Variants in GRHL1 observed in about 807,000 individuals in gnomAD.
GRHL1 encodes the protein grainyhead like transcription factor 1.
Under a neutral mutation model 75.7 loss-of-function variants are expected in GRHL1, and 38 were observed. The observed-to-expected ratio is 0.50, with a 90% CI of 0.39 to 0.66. GRHL1 has a LOEUF of 0.66. Ranked by LOEUF, GRHL1 falls within the 30% of genes least tolerant of loss-of-function variation. GRHL1 has a pLI of 0.00. For missense variants in GRHL1, 589 were observed against 767.5 expected, an observed-to-expected ratio of 0.77 and a Z score of 2.75; for synonymous variants, 266 against 279.4, an observed-to-expected ratio of 0.95 and a Z score of 0.48.
chr2:9,975,656 T>C (rs1039559737), intron 8 of GRHL1, among the ~76,000 whole-genome samples: 1 of 151,542 alleles, frequency 6.6e-6, no homozygotes, highest in Non-Finnish European at 1.5e-5. Context: ...GACGGGTGTA[T>C]CACCTGAGAT....
Position 9,992,265 on chromosome 2 carries a change from A to C in GRHL1, c.1461+119A>C. ...TTGAGTGAGGTTTGACCAGTTAGTC[A>C]GCTCTTTGGAATATTCTGCTGGGGT... On this transcript the variant is annotated intron_variant, in intron 11 of 15. Transcript: ENST00000324907. This position sits in a 1 kb window ranked among gnomAD's most constrained non-coding sequence, Gnocchi z 4.6. 1.2e-6 allele frequency: 1 copy of C among 844,972 alleles called. No homozygotes were observed. The highest frequency in any genetic ancestry group is 1.8e-6 in the Non-Finnish European group (1 of 543,502). 52.3% of individuals were successfully genotyped at this position (844,972 alleles called of 1,614,324 possible).
chr2:9,965,196 C>A, intron 7 of GRHL1, 91 bp from the exon 8 acceptor site: 2 of 702,564 alleles, frequency 2.8e-6, no homozygotes, highest in South Asian at 1.7e-5. Context: ...GGTGATAATG[C>A]TAAAAACTAG....
chr2:9,986,293 C>T lies in GRHL1; in HGVS notation c.1269+11C>T, dbSNP rs377532197. ...GTCTTCTGTGACAAGGTAAGATCGGCAGGGATGCTTGGAACAAGTGTTTGA... is the reference window on the plus strand; with the variant it reads ...GTCTTCTGTGACAAGGTAAGATCGGTAGGGATGCTTGGAACAAGTGTTTGA... On this transcript the variant is annotated intron_variant, in intron 9 of 15. Coordinates refer to ENST00000324907, the MANE Select transcript of GRHL1 (RefSeq NM_198182.3). The T allele has an allele frequency of 2.3e-5, 37 of 1,606,084 alleles. No individual in the cohort carries two copies. The African/African-American group carries it at 4.8e-4, about 21-fold the overall frequency.
chr2:9,952,938 T>C (rs1245511408), intron 1 of GRHL1: 2 of 447,100 alleles, frequency 4.5e-6, no homozygotes, highest in East Asian at 7.0e-5. Flanking sequence ...CTGAAACATA[T>C]TTCAGAAGTC....
chr2:9,970,026 G>A (rs1269636062), intron 8 of GRHL1, among the ~76,000 whole-genome samples: 1 of 152,008 alleles, frequency 6.6e-6, no homozygotes, highest in African/African-American at 2.4e-5. Context: ...TGTATTTTTA[G>A]TAGAGACGGG....
chr2:9,964,439 G>A (rs1052021509), intron 7 of GRHL1, 93 bp downstream of exon 7: 6 of 683,668 alleles, frequency 8.8e-6, no homozygotes, highest in South Asian at 1.9e-5. Context: ...GCTTCCTGCC[G>A]AAAGCATTTG....
At chr2:9,993,884 A>C (rs1668747846) in intron 12 of GRHL1, among the ~76,000 whole-genome samples, 1 of 152,216 alleles carries the variant, frequency 6.6e-6, no homozygotes, top group Non-Finnish European at 1.5e-5. Flanking sequence ...CTCATTCCCC[A>C]TCAAACTTTC....
At chr2:9,969,802 C>A (rs1667641534) in intron 8 of GRHL1, among the ~76,000 whole-genome samples, 1 of 150,350 alleles carries the variant, frequency 6.7e-6, no homozygotes, top group Admixed American at 6.6e-5. Context: ...TTTCTCTGAT[C>A]ATCTGTGCAT....
At chr2:9,969,120 TGA>T (rs1479896442) in intron 8 of GRHL1, among the ~76,000 whole-genome samples, 17 of 152,328 alleles carry the variant, frequency 1.1e-4, no homozygotes, top group African/African-American at 3.8e-4. Context: ...ATTTCTTGCC[TGA>T]GTTGTAAATC....
Position 9,951,845 on chromosome 2 carries a change from G to C in GRHL1, c.12G>C (p.Glu4Asp). The change falls in exon 1 of 16, where the codon GAG becomes GAC. Residue 4 changes from glutamate (E) to aspartate (D), a missense_variant. This residue lies in a region of GRHL1 where 362 missense variants were observed against 461.8 expected (regional missense o/e 0.78). Coordinates refer to ENST00000324907, the MANE Select transcript of GRHL1 (RefSeq NM_198182.3). The surrounding 1 kb of genome is among the most constrained non-coding windows in gnomAD (Gnocchi z 4.2). ...GGCGAGCGGGCGCGATGACACAGGAGTACGACAAGTGAGTGAGGCGCAGGA... is the reference window on the plus strand; with the variant it reads ...GGCGAGCGGGCGCGATGACACAGGACTACGACAAGTGAGTGAGGCGCAGGA... MTQ[E>D]YDNKRPVLVL... The C allele has an allele frequency of 2.0e-6, 3 of 1,511,890 alleles. No individual in the cohort carries two copies. Among genetic ancestry groups the C allele is most frequent in the South Asian group, 1.2e-5 (1 of 83,086 alleles). The allele number at this position is 1,511,890 out of a possible 1,614,324, so 93.7% of individuals were successfully genotyped here.
intron 9 of GRHL1, among the ~76,000 whole-genome samples, chr2:9,988,613 G>A (rs1215048692): frequency 6.6e-6 from 1 of 152,080 alleles, no homozygotes; most frequent in East Asian, 1.9e-4. Flanking sequence ...TGGACTTCCA[G>A]CTCTGTCTCC....
chr2:9,966,539 ATCT>A (rs1409390793), intron 8 of GRHL1: 1 of 152,172 alleles, frequency 6.6e-6, no homozygotes, highest in Non-Finnish European at 1.5e-5. Context: ...AGTGATGTTC[ATCT>A]TCTTGTCCTT....
intron 8 of GRHL1, among the ~76,000 whole-genome samples, chr2:9,983,970 T>G (rs1668309256): frequency 6.6e-6 from 1 of 151,660 alleles, no homozygotes; most frequent in African/African-American, 2.4e-5. Flanking sequence ...GCCTGGCCAA[T>G]ATAGTGAAAC....
rs545049123 is a variant in GRHL1 at position 9,999,115 on chromosome 2, C to T, written c.1742+86C>T. 1.2e-4 allele frequency: 56 copies of T among 476,722 alleles called. No individual in the cohort carries two copies. The Admixed American group carries it at 1.3e-3, about 11-fold the overall frequency. 29.5% of individuals were successfully genotyped at this position (476,722 alleles called of 1,614,324 possible). A position where few individuals can be genotyped will look rare whatever the true frequency, so the allele number is the denominator to read the frequency against. ...GTGACGCACCCCCCAGTGCTGTTGA[C>T]ACCCCCCAGCACCATGTAACACACC... On this transcript the variant is annotated intron_variant, in intron 15 of 15. Coordinates refer to ENST00000324907, the MANE Select transcript of GRHL1 (RefSeq NM_198182.3).
In GRHL1 at chr2:9,990,634, A is replaced by T; in HGVS notation, c.1270-62A>T. The stretch of plus-strand genomic sequence containing the variant: ...TTCTTCTTCCATTGGTCAGGATAAG[A>T]GTTAAATATTTTAAAGAAGATTGGA... On this transcript the variant is annotated intron_variant, in intron 9 of 15. Coordinates refer to ENST00000324907, the MANE Select transcript of GRHL1 (RefSeq NM_198182.3). The surrounding 1 kb of genome is among the most constrained non-coding windows in gnomAD (Gnocchi z 4.2). 1 of 1,028,904 alleles carries T rather than the reference A, an allele frequency of 9.7e-7. No homozygotes were observed. The highest frequency in any genetic ancestry group is 1.6e-5 in the African/African-American group (1 of 62,652). The allele number at this position is 1,028,904 out of a possible 1,614,324, so 63.7% of individuals were successfully genotyped here. A position where few individuals can be genotyped will look rare whatever the true frequency, so the allele number is the denominator to read the frequency against.
At chr2:9,984,401 C>T (rs1004757295) in intron 8 of GRHL1, among the ~76,000 whole-genome samples, 18 of 152,176 alleles carry the variant, frequency 1.2e-4, no homozygotes, top group Admixed American at 9.2e-4. Context: ...GGTGCACATG[C>T]ATCCGCAGTA....
At chr2:9,999,363 G>A (rs1017324862) in intron 15 of GRHL1, among the ~76,000 whole-genome samples, 1 of 152,272 alleles carries the variant, frequency 6.6e-6, no homozygotes, top group African/African-American at 2.4e-5. Flanking sequence ...ATGCCTGGCA[G>A]CAGTGCCATG....
chr2:9,983,002 G>A (rs569645883), intron 8 of GRHL1, among the ~76,000 whole-genome samples: 1 of 152,240 alleles, frequency 6.6e-6, no homozygotes, highest in South Asian at 2.1e-4. Context: ...CTTAGTTAGG[G>A]GCCAGCTCAA....
chr2:9,976,942 G>A (rs1667971705), intron 8 of GRHL1, among the ~76,000 whole-genome samples: 1 of 152,214 alleles, frequency 6.6e-6, no homozygotes, highest in Admixed American at 6.5e-5. Flanking sequence ...CACATAGACT[G>A]TGGTAAGCTA....
Sources: allele counts gnomAD v4.1 joint callset (sites outside exome capture counted in the v4.1 genomes callset), GRCh38; gene constraint gnomAD v4.1.1; regional missense constraint gnomAD v4.1.1; non-coding constraint Gnocchi (gnomAD v3.1); transcripts MANE v1.5; gene names NCBI Gene and HGNC (gene_info 2026-07-23, HGNC 2026-07-21).